Variants in HS3ST2 observed in about 807,000 individuals in gnomAD.
HS3ST2 encodes the protein heparan sulfate-glucosamine 3-sulfotransferase 2.
In HS3ST2, 17 loss-of-function variants were observed where a neutral mutation model predicts 26.3. The ratio of observed to expected loss-of-function variants is 0.65; its 90% CI spans 0.44 to 0.97. HS3ST2 has a LOEUF of 0.97. Ranked by LOEUF, HS3ST2 falls within the 50% of genes least tolerant of loss-of-function variation. HS3ST2 has a pLI of 0.00. For missense variants in HS3ST2, 402 were observed against 501.2 expected (o/e 0.80, Z 1.89); for synonymous variants, 237 against 219.2 (o/e 1.08, Z -0.72).
At chr16:22,819,808 A>G (rs974297027) in intron 1 of HS3ST2, among the ~76,000 whole-genome samples, 8 of 152,248 alleles carry the variant, frequency 5.3e-5, no homozygotes, top group Non-Finnish European at 7.3e-5. Context: ...CCAGAATAAG[A>G]TCTATCACAT....
intron 1 of HS3ST2, among the ~76,000 whole-genome samples, chr16:22,824,726 T>C (rs1901057927): frequency 6.6e-6 from 1 of 152,186 alleles, no homozygotes; most frequent in Non-Finnish European, 1.5e-5. Flanking sequence ...CAGAAAATGG[T>C]CCCTGGAATT....
At chr16:22,838,527 T>A (rs917191321) in intron 1 of HS3ST2, among the ~76,000 whole-genome samples, 1 of 152,074 alleles carries the variant, frequency 6.6e-6, no homozygotes, top group Non-Finnish European at 1.5e-5. Context: ...TCCAGGTGTA[T>A]GGTAGCTGAA....
chr16:22,895,135 A>G (rs208613), intron 1 of HS3ST2, among the ~76,000 whole-genome samples: 90,141 of 149,240 alleles, frequency 0.6, 27,764 homozygotes, highest in East Asian at 0.86. Context: ...TGTTGCCCAG[A>G]CTGGAGTGCA....
chr16:22,820,458 G>A (rs1242422476), intron 1 of HS3ST2, among the ~76,000 whole-genome samples: 2 of 152,196 alleles, frequency 1.3e-5, no homozygotes, highest in African/African-American at 4.8e-5. Context: ...AGAAAAAGAG[G>A]TTTAATGGAC....
At chr16:22,849,343 A>C (rs1901488092) in intron 1 of HS3ST2, among the ~76,000 whole-genome samples, 1 of 152,210 alleles carries the variant, frequency 6.6e-6, no homozygotes, top group African/African-American at 2.4e-5. Context: ...GTATAAATTA[A>C]GGGCAAACAA....
At position 22,814,694 on chromosome 16, in the gene HS3ST2, C is replaced by T. The variant is rs767102972; in HGVS notation, c.84C>T (p.Leu28=). 6 of 1,606,592 alleles carry T rather than the reference C, an allele frequency of 3.7e-6. No homozygotes were observed. The highest frequency in any genetic ancestry group is 1.3e-5 in the African/African-American group (1 of 74,922). ...RRLLFAFTLS[L]SCTYLCYSFL... Reference sequence around the variant, plus strand: ...TGCTCTTCGCCTTCACGCTCTCGCTCTCCTGCACTTACCTGTGTTACAGCT... The same window carrying T: ...TGCTCTTCGCCTTCACGCTCTCGCTTTCCTGCACTTACCTGTGTTACAGCT... Residue 28 remains leucine, a synonymous_variant, in exon 1 of 2, where the codon CTC becomes CTT. Transcript: ENST00000261374.
chr16:22,821,930 G>A (rs1901000940), intron 1 of HS3ST2, among the ~76,000 whole-genome samples: 1 of 152,174 alleles, frequency 6.6e-6, no homozygotes, highest in Admixed American at 6.5e-5. Flanking sequence ...CTGGGCATGG[G>A]TCCATTGGGT....
rs1439284305 is a variant in HS3ST2, at chr16:22,814,415, G to A, written c.-196G>A. On this transcript the variant is annotated 5_prime_UTR_variant, in exon 1 of 2. Coordinates refer to ENST00000261374, the MANE Select transcript of HS3ST2 (RefSeq NM_006043.2). ...GAAATGCAACCGCCTGTTCCCCGAG[G>A]AGCCGCTGCCCCCGGGACCCCCTGG... 6.2e-6 allele frequency: 3 copies of A among 487,692 alleles called. No homozygotes were observed. Among genetic ancestry groups the A allele is most frequent in the East Asian group, 3.5e-5 (1 of 28,550 alleles). 30.2% of individuals were successfully genotyped at this position (487,692 alleles called of 1,614,324 possible).
chr16:22,843,609 T>G (rs573888380), intron 1 of HS3ST2, among the ~76,000 whole-genome samples: 2 of 152,230 alleles, frequency 1.3e-5, no homozygotes, highest in East Asian at 3.9e-4. Flanking sequence ...ATACACAGGG[T>G]GAGGTCTGGA....
At chr16:22,893,299 A>C (rs535657420) in intron 1 of HS3ST2, among the ~76,000 whole-genome samples, 1 of 152,342 alleles carries the variant, frequency 6.6e-6, no homozygotes, top group East Asian at 1.9e-4. Flanking sequence ...ATATGAGATA[A>C]TACATGTAAA....
intron 1 of HS3ST2, among the ~76,000 whole-genome samples, chr16:22,846,275 T>A (rs1232271042): frequency 1.4e-5 from 2 of 145,918 alleles, no homozygotes; most frequent in African/African-American, 2.5e-5. Context: ...AGACTCGATT[T>A]AAAAAAAAAA....
chr16:22,844,472 T>C (rs1901402982), intron 1 of HS3ST2, among the ~76,000 whole-genome samples: 1 of 152,128 alleles, frequency 6.6e-6, no homozygotes, highest in African/African-American at 2.4e-5. Flanking sequence ...AACCTCTTCA[T>C]ATAAACTGAG....
intron 1 of HS3ST2, among the ~76,000 whole-genome samples, chr16:22,891,147 C>A (rs1902122606): frequency 6.6e-6 from 1 of 152,166 alleles, no homozygotes; most frequent in African/African-American, 2.4e-5. Flanking sequence ...CTTGATTGAA[C>A]ATTCAGCTGC....
chr16:22,848,789 C>T (rs546039452), intron 1 of HS3ST2, among the ~76,000 whole-genome samples: 6 of 152,170 alleles, frequency 3.9e-5, no homozygotes, highest in South Asian at 4.1e-4. Context: ...TAACTTAACA[C>T]GAGGCTCTAT....
intron 1 of HS3ST2, among the ~76,000 whole-genome samples, chr16:22,870,402 C>G (rs1314373409): frequency 1.3e-5 from 2 of 152,150 alleles, no homozygotes; most frequent in East Asian, 3.8e-4. Flanking sequence ...AGTGCTCTGC[C>G]CTTTCCTCTC....
intron 1 of HS3ST2, among the ~76,000 whole-genome samples, chr16:22,848,857 G>A (rs1377299293): frequency 6.6e-6 from 1 of 152,176 alleles, no homozygotes; most frequent in East Asian, 1.9e-4. Flanking sequence ...CATGCATGGT[G>A]GTGATTTTCT....
intron 1 of HS3ST2, among the ~76,000 whole-genome samples, chr16:22,867,855 A>T (rs921107848): frequency 6.6e-6 from 1 of 152,196 alleles, no homozygotes. Context: ...AACCTGGAGG[A>T]TGTTTAGTAT....
intron 1 of HS3ST2, among the ~76,000 whole-genome samples, chr16:22,850,401 A>G (rs1170528442): frequency 6.6e-6 from 1 of 152,228 alleles, no homozygotes; most frequent in African/African-American, 2.4e-5. Flanking sequence ...ATTGGTATAT[A>G]ACAAACAACG....
chr16:22,897,652 TCTTTGCCTTGC>T (rs1902228112), intron 1 of HS3ST2, among the ~76,000 whole-genome samples: 2 of 93,678 alleles, frequency 2.1e-5, no homozygotes, highest in Admixed American at 1.1e-4. Context: ...AAAATAAGCA[TCTTTGCCTTGC>T]CTAACTTTAA....
Sources: gnomAD v4.1 joint callset for allele counts (sites outside exome capture counted in the v4.1 genomes callset) on GRCh38, gnomAD v4.1.1 for gene constraint, MANE v1.5 for transcripts, NCBI Gene and HGNC (gene_info 2026-07-23, HGNC 2026-07-21) for gene names.